Variants in CCDC85A observed in about 807,000 individuals in gnomAD.
CCDC85A encodes coiled-coil domain containing 85A.
A neutral mutation model predicts 50.2 loss-of-function variants in CCDC85A; 38 were observed. The observed-to-expected ratio is 0.76, with a 90% confidence interval of 0.58 to 0.99. The LOEUF (loss-of-function observed/expected upper bound fraction) is 0.99. CCDC85A is among the 50% of genes least tolerant of loss of function. The pLI is 0.00. For missense variants in CCDC85A, 820 were observed against 742.0 expected (o/e 1.11, Z -1.22); for synonymous variants, 366 against 301.4 (o/e 1.21, Z -2.22).
At chr2:56,379,615 C>T (rs544548307) in intron 5 of CCDC85A, 2 of 154,242 alleles carry the variant, frequency 1.3e-5, no homozygotes, top group Admixed American at 1.3e-4. Flanking sequence ...AATATGTTTC[C>T]ATATGCTAAT....
chr2:56,227,041 GA>G (rs2103924550), intron 2 of CCDC85A, among the ~76,000 whole-genome samples: 1 of 152,300 alleles, frequency 6.6e-6, no homozygotes, highest in Admixed American at 6.5e-5. Flanking sequence ...AGCTAATGTG[GA>G]AAGAGTGACA....
intron 2 of CCDC85A, among the ~76,000 whole-genome samples, chr2:56,276,475 G>C (rs1670949767): frequency 1.3e-5 from 2 of 151,996 alleles, no homozygotes; most frequent in African/African-American, 4.8e-5. Context: ...GAATTATGGG[G>C]GCAAGTCTTT....
At chr2:56,329,945 G>GTTTTTTTT (rs535050957) in intron 2 of CCDC85A, among the ~76,000 whole-genome samples, 6 of 44,158 alleles carry the variant, frequency 1.4e-4, no homozygotes, top group African/African-American at 2.1e-4. Flanking sequence ...CAGATTTCCT[G>GTTTTTTTT]TTTTTTTTTT....
chr2:56,288,697 C>T (rs563482682), intron 2 of CCDC85A, among the ~76,000 whole-genome samples: 1 of 149,218 alleles, frequency 6.7e-6, no homozygotes, highest in African/African-American at 2.4e-5. Flanking sequence ...CATGCCCCCC[C>T]CACCCCAAAA....
At chr2:56,362,402 CA>C (rs771353408) in intron 3 of CCDC85A, among the ~76,000 whole-genome samples, 1 of 151,094 alleles carries the variant, frequency 6.6e-6, no homozygotes, top group Non-Finnish European at 1.5e-5. Flanking sequence ...GAGCTGGAGA[CA>C]AAAAATTGGG....
At chr2:56,287,135 A>G (rs1360234884) in intron 2 of CCDC85A, among the ~76,000 whole-genome samples, 1 of 152,176 alleles carries the variant, frequency 6.6e-6, no homozygotes, top group Non-Finnish European at 1.5e-5. Context: ...GGCTTGCAGT[A>G]GTTACTTTCT....
At chr2:56,222,452 T>C (rs1190657471) in intron 2 of CCDC85A, among the ~76,000 whole-genome samples, 1 of 152,092 alleles carries the variant, frequency 6.6e-6, no homozygotes, top group Non-Finnish European at 1.5e-5. Context: ...TACAAAAGCT[T>C]CCTATTTTTA....
rs1463676467 is a variant in CCDC85A, at chr2:56,193,092, C to T, written c.892C>T (p.Pro298Ser). 3.7e-6 allele frequency: 6 copies of T among 1,613,582 alleles called. No homozygotes were observed. The highest frequency in any genetic ancestry group is 5.1e-6 in the Non-Finnish European group (6 of 1,179,806). The change falls in exon 2 of 6, where the codon CCA becomes TCA. Residue 298 changes from proline to serine, a missense_variant. Transcript: ENST00000407595. ...GSPEQQRHPH[P>S]GSSPETLPKH... ...CCCCGAACAGCAAAGGCACCCGCAT[C>T]CAGGGAGCAGCCCCGAAACGCTGCC...
intron 3 of CCDC85A, among the ~76,000 whole-genome samples, chr2:56,355,713 T>TA (rs1486160795): frequency 6.6e-6 from 1 of 152,342 alleles, no homozygotes; most frequent in East Asian, 1.9e-4. Context: ...TCTTAGCAAT[T>TA]ATATTAGGAA....
intron 3 of CCDC85A, among the ~76,000 whole-genome samples, chr2:56,357,628 G>A (rs1448973265): frequency 6.8e-6 from 1 of 147,262 alleles, no homozygotes; most frequent in East Asian, 2.0e-4. Flanking sequence ...GGACATTGTA[G>A]GTCATGGAAG....
intron 2 of CCDC85A, among the ~76,000 whole-genome samples, chr2:56,276,068 T>C (rs551549935): frequency 6.6e-6 from 1 of 152,262 alleles, no homozygotes; most frequent in South Asian, 2.1e-4. Flanking sequence ...TTACTCAGAT[T>C]GGTAGCTTTG....
chr2:56,280,920 C>A lies in CCDC85A; in HGVS notation c.1241-61959C>A, dbSNP rs575840208. ...AATATTTATAGGATGTTGGAGCCAC[C>A]AGAAATCCTAGATTCTTACTTTTTT... On this transcript the variant is annotated intron_variant, in intron 2 of 5. Transcript: ENST00000407595. 1.1e-4 allele frequency among the ~76,000 whole-genome samples: 16 copies of A among 152,218 alleles called. 1 individual carries two copies. In the South Asian group the frequency reaches 2.9e-3, roughly 28 times the overall value.
chr2:56,383,711 T>C (rs1247053583), intron 5 of CCDC85A: 1 of 985,016 alleles, frequency 1.0e-6, no homozygotes, highest in Non-Finnish European at 1.2e-6. Flanking sequence ...CTAGTGGCCC[T>C]AAGACTACCA....
intron 3 of CCDC85A, among the ~76,000 whole-genome samples, chr2:56,363,079 T>A (rs1469079233): frequency 6.6e-6 from 1 of 152,136 alleles, no homozygotes; most frequent in African/African-American, 2.4e-5. Flanking sequence ...ATATATAGTT[T>A]GAATAAAAAA....
At chr2:56,302,010 C>A (rs898007486) in intron 2 of CCDC85A, among the ~76,000 whole-genome samples, 1 of 152,036 alleles carries the variant, frequency 6.6e-6, no homozygotes, top group Non-Finnish European at 1.5e-5. Flanking sequence ...AATCCCAGCT[C>A]TTTGGGAGGC....
At chr2:56,252,985 C>T (rs934161804) in intron 2 of CCDC85A, among the ~76,000 whole-genome samples, 3 of 151,870 alleles carry the variant, frequency 2.0e-5, no homozygotes, top group Non-Finnish European at 4.4e-5. Flanking sequence ...CGCCACTGCA[C>T]TCCAGTCTGG....
chr2:56,383,529 A>G, intron 5 of CCDC85A: 1 of 951,254 alleles, frequency 1.1e-6, no homozygotes, highest in Non-Finnish European at 1.3e-6. Flanking sequence ...TATGTGGCCC[A>G]GCTTCTAACA....
chr2:56,348,106 G>T (rs79894069), intron 3 of CCDC85A, among the ~76,000 whole-genome samples: 1 of 152,128 alleles, frequency 6.6e-6, no homozygotes, highest in African/African-American at 2.4e-5. Flanking sequence ...AAAGAGACTC[G>T]ACTAGAGACA....
intron 2 of CCDC85A, among the ~76,000 whole-genome samples, chr2:56,245,431 G>A (rs1558603297): frequency 6.6e-6 from 1 of 152,250 alleles, no homozygotes; most frequent in Non-Finnish European, 1.5e-5. Context: ...GGATGGAGGA[G>A]GGGGTGGCCT....
Sources: allele counts gnomAD v4.1 joint callset (sites outside exome capture counted in the v4.1 genomes callset), GRCh38; gene constraint gnomAD v4.1.1; transcripts MANE v1.5; gene names NCBI Gene and HGNC (gene_info 2026-07-23, HGNC 2026-07-21).